SLC8A1: variants seen among roughly 807,000 people sequenced by gnomAD.
The protein encoded by SLC8A1 is solute carrier family 8 member A1.
In SLC8A1, 18 loss-of-function variants were observed where a neutral mutation model predicts 68.3. That is an observed-to-expected ratio of 0.26 (90% CI 0.18 to 0.39). The LOEUF (loss-of-function observed/expected upper bound fraction) is 0.39, where lower values mean the gene tolerates loss of function less well. SLC8A1 is among the 10% of genes least tolerant of loss of function. The pLI is 1.00. For synonymous variants in SLC8A1, 475 were observed against 415.5 expected (o/e 1.14, Z -1.74); for missense variants, 985 against 1,156.7 (o/e 0.85, Z 2.15).
chr2:40,138,210 T>C (rs1472424345), intron 7 of SLC8A1, among the ~76,000 whole-genome samples: 1 of 152,142 alleles, frequency 6.6e-6, no homozygotes, highest in Non-Finnish European at 1.5e-5. Flanking sequence ...GGACGATAAA[T>C]AGCTTCCTGA....
At chr2:40,453,821 G>A (rs1375436522), upstream of SLC8A1, among the ~76,000 whole-genome samples, 1 of 152,162 alleles carries the variant, frequency 6.6e-6, no homozygotes, top group Non-Finnish European at 1.5e-5. Flanking sequence ...TGATGCTGAG[G>A]CCGTCTGAAT....
At chr2:40,396,546 G>A (rs1014142984) in intron 2 of SLC8A1, among the ~76,000 whole-genome samples, 3 of 151,754 alleles carry the variant, frequency 2.0e-5, no homozygotes, top group African/African-American at 7.3e-5. Context: ...AGCATAACAC[G>A]CAACACAACA....
intron 2 of SLC8A1, among the ~76,000 whole-genome samples, chr2:40,284,704 G>C (rs1409485270): frequency 1.3e-5 from 2 of 150,550 alleles, no homozygotes; most frequent in East Asian, 3.9e-4. Flanking sequence ...TTTGTTGCTT[G>C]GTCTTATTCT....
At chr2:40,358,042 C>A in intron 2 of SLC8A1, among the ~76,000 whole-genome samples, 2 of 106,970 alleles carry the variant, frequency 1.9e-5, no homozygotes, top group Non-Finnish European at 3.6e-5. Flanking sequence ...ATACATGCAA[C>A]TGAAGGAAAA....
intron 2 of SLC8A1, among the ~76,000 whole-genome samples, chr2:40,348,632 G>C (rs767018956): frequency 6.6e-6 from 1 of 152,202 alleles, no homozygotes. Context: ...TGTGTTCTCA[G>C]AAGTACGGGG....
chr2:40,258,323 A>T (rs1030192456), intron 2 of SLC8A1, among the ~76,000 whole-genome samples: 1 of 152,214 alleles, frequency 6.6e-6, no homozygotes, highest in African/African-American at 2.4e-5. Flanking sequence ...GAGCAAGAAC[A>T]AAGTACTTCC....
intron 2 of SLC8A1, among the ~76,000 whole-genome samples, chr2:40,360,822 G>C (rs1039845778): frequency 6.6e-6 from 1 of 152,158 alleles, no homozygotes; most frequent in Admixed American, 6.5e-5. Context: ...CTGCCCTCTT[G>C]CCATTGGTCC....
At chr2:40,111,303 A>C (rs779097686) in exon 8 of SLC8A1, 2 of 152,162 alleles carry the variant, frequency 1.3e-5, no homozygotes, top group Non-Finnish European at 2.9e-5. Context: ...CTGGTCATTG[A>C]ATTAATCTTT....
At chr2:40,350,189 C>A (rs12987979) in intron 2 of SLC8A1, among the ~76,000 whole-genome samples, 1 of 151,904 alleles carries the variant, frequency 6.6e-6, no homozygotes, top group Non-Finnish European at 1.5e-5. Flanking sequence ...CTATCAACGA[C>A]GCCATTTATC....
At chr2:40,325,571 A>G (rs1339467165) in intron 2 of SLC8A1, among the ~76,000 whole-genome samples, 3 of 152,124 alleles carry the variant, frequency 2.0e-5, no homozygotes, top group East Asian at 1.9e-4. Context: ...CCATTAAAAA[A>G]TTGGGTCAGT....
chr2:40,511,800 G>T (rs1706744320), intron 1 of SLC8A1, among the ~76,000 whole-genome samples: 1 of 152,126 alleles, frequency 6.6e-6, no homozygotes, highest in East Asian at 1.9e-4. Flanking sequence ...AACAACCCAA[G>T]AATCTTTGAA....
chr2:40,201,756 A>G (rs573229948), intron 2 of SLC8A1, among the ~76,000 whole-genome samples: 1 of 152,062 alleles, frequency 6.6e-6, no homozygotes, highest in South Asian at 2.1e-4. Context: ...TCTTGTTAGC[A>G]TTTGCATGAG....
chr2:40,251,612 A>G (rs1190158759), intron 2 of SLC8A1: 1 of 152,166 alleles, frequency 6.6e-6, no homozygotes, highest in African/African-American at 2.4e-5. Flanking sequence ...GCAATTTGAT[A>G]CGCTGTGCAA....
At chr2:40,282,076 A>G (rs1291344069) in intron 2 of SLC8A1, among the ~76,000 whole-genome samples, 2 of 152,178 alleles carry the variant, frequency 1.3e-5, no homozygotes, top group African/African-American at 4.8e-5. Flanking sequence ...ATGCTGGTGT[A>G]TCAAATTGTG....
chr2:40,452,428 T>C (rs1702675767), upstream of SLC8A1, among the ~76,000 whole-genome samples: 1 of 152,146 alleles, frequency 6.6e-6, no homozygotes, highest in African/African-American at 2.4e-5. Context: ...CAGTGCGTTG[T>C]GGCCGCGCGC....
At chr2:40,370,399 G>C (rs896071244) in intron 2 of SLC8A1, among the ~76,000 whole-genome samples, 1 of 151,996 alleles carries the variant, frequency 6.6e-6, no homozygotes, top group African/African-American at 2.4e-5. Flanking sequence ...AAGGCTCTCT[G>C]GTGCCTCTTT....
At chr2:40,270,630 A>T (rs1438794834) in intron 2 of SLC8A1, among the ~76,000 whole-genome samples, 1 of 152,228 alleles carries the variant, frequency 6.6e-6, no homozygotes, top group Non-Finnish European at 1.5e-5. Context: ...CCATGTGATT[A>T]GATTGGAACC....
chr2:40,335,002 A>G (rs1665475668), intron 2 of SLC8A1, among the ~76,000 whole-genome samples: 1 of 152,198 alleles, frequency 6.6e-6, no homozygotes, highest in South Asian at 2.1e-4. Context: ...CCAAAAAGCC[A>G]AAAACTCTAC....
rs115672341 is a variant in SLC8A1 at position 40,226,215 on chromosome 2, G to C, written c.1809-48360C>G. On this transcript the variant is annotated intron_variant, in intron 2 of 7. Transcript: ENST00000406785. ...AGGGCAAAGGATGGCAAATTGGTCT[G>C]GTTCCATTATTGCAATGTAATTACT... Among the ~76,000 whole-genome samples the C allele has an allele frequency of 3.9e-3, 600 of 152,240 alleles. 5 individuals are homozygous for C. The highest frequency in any genetic ancestry group is 0.014 in the African/African-American group (580 of 41,548).
Sources: gnomAD v4.1 joint callset for allele counts (sites outside exome capture counted in the v4.1 genomes callset) on GRCh38, gnomAD v4.1.1 for gene constraint, MANE v1.5 for transcripts, NCBI Gene and HGNC (gene_info 2026-07-23, HGNC 2026-07-21) for gene names.